The following FGGY variants were observed in gnomAD, a reference collection of about 807,000 sequenced individuals.
FGGY encodes the protein FGGY carbohydrate kinase domain-containing protein.
A neutral mutation model predicts 71.3 loss-of-function variants in FGGY; 72 were observed. The observed-to-expected ratio is 1.01, with a 90% CI of 0.84 to 1.23. FGGY has a LOEUF of 1.23. Among genes scored for constraint, FGGY ranks in the 50% most tolerant of loss-of-function variants. The probability of loss-of-function intolerance (pLI) is 0.00; values close to 1 mark genes in which losing one functional copy is unlikely to be tolerated. For missense variants in FGGY, 668 were observed against 682.3 expected (o/e 0.98, Z 0.23); for synonymous variants, 251 against 250.3 (o/e 1.00, Z -0.02).
chr1:59,696,669 A>T (rs2097662374), intron 14 of FGGY, among the ~76,000 whole-genome samples: 1 of 152,154 alleles, frequency 6.6e-6, no homozygotes, highest in African/African-American at 2.4e-5. Context: ...TGTGTCCTTC[A>T]TCTCTCTGTC....
At chr1:59,590,980 G>T (rs2096422224) in intron 8 of FGGY, among the ~76,000 whole-genome samples, 1 of 152,158 alleles carries the variant, frequency 6.6e-6, no homozygotes, top group Non-Finnish European at 1.5e-5. Flanking sequence ...ATTCAATTAG[G>T]AAAAGAGGAA....
At chr1:59,349,958 A>T (rs184497210) in intron 4 of FGGY, among the ~76,000 whole-genome samples, 2 of 152,274 alleles carry the variant, frequency 1.3e-5, no homozygotes, top group Admixed American at 1.3e-4. Context: ...GAACTTGTGA[A>T]ACCACTTTTA....
chr1:59,419,086 T>C (rs74718458), intron 5 of FGGY, among the ~76,000 whole-genome samples: 8,258 of 152,210 alleles, frequency 0.054, 252 homozygotes, highest in South Asian at 0.09. Context: ...GGAACCAGAT[T>C]ATAAAGGGTC....
At chr1:59,685,007 A>T (rs1318664108) in intron 14 of FGGY, among the ~76,000 whole-genome samples, 1 of 152,220 alleles carries the variant, frequency 6.6e-6, no homozygotes, top group Non-Finnish European at 1.5e-5. Context: ...CAAGAAATTG[A>T]GGCACCAAGC....
chr1:59,514,028 G>GT (rs1398323554), intron 7 of FGGY, among the ~76,000 whole-genome samples: 1 of 152,186 alleles, frequency 6.6e-6, no homozygotes, highest in Non-Finnish European at 1.5e-5. Context: ...TACAGGCAAG[G>GT]TTGTTTCTCT....
chr1:59,330,451 C>A (rs752146708), intron 2 of FGGY, among the ~76,000 whole-genome samples: 2 of 151,934 alleles, frequency 1.3e-5, no homozygotes, highest in African/African-American at 4.8e-5. Context: ...CGCCTGTAAT[C>A]CCAACTACTG....
chr1:59,463,789 G>C lies in FGGY; in HGVS notation c.670+6713G>C, dbSNP rs562300822. On this transcript the variant is annotated intron_variant, in intron 6 of 15. Coordinates refer to ENST00000303721, the MANE Select transcript of FGGY (RefSeq NM_018291.5). ...AAGAAGGCCATTACATAATGGTAAA[G>C]GGATCAATTCAACAAGAAGAGCTAA... 4.6e-5 allele frequency among the ~76,000 whole-genome samples: 7 copies of C among 152,172 alleles called. 1 individual carries two copies. In the South Asian group the frequency reaches 1.5e-3, roughly 32 times the overall value.
intron 6 of FGGY, among the ~76,000 whole-genome samples, chr1:59,468,716 C>A (rs2092777733): frequency 1.3e-5 from 2 of 151,666 alleles, no homozygotes; most frequent in Non-Finnish European, 2.9e-5. Context: ...ATTAAAAATA[C>A]AAAAAATCAG....
chr1:59,640,453 G>A (rs932126577), intron 11 of FGGY, among the ~76,000 whole-genome samples: 52 of 152,220 alleles, frequency 3.4e-4, no homozygotes, highest in Admixed American at 7.8e-4. Flanking sequence ...AGGCACTGCC[G>A]TAGATATGAG....
chr1:59,324,501 C>T (rs558475729), intron 2 of FGGY, among the ~76,000 whole-genome samples: 1 of 151,880 alleles, frequency 6.6e-6, no homozygotes, highest in East Asian at 1.9e-4. Flanking sequence ...TGGTCTCGAT[C>T]TCCTGACCTC....
chr1:59,545,594 C>G (rs550505600), intron 7 of FGGY, among the ~76,000 whole-genome samples: 1 of 152,158 alleles, frequency 6.6e-6, no homozygotes, highest in Non-Finnish European at 1.5e-5. Flanking sequence ...CTAGTTTTCT[C>G]TAAGTCTCAA....
intron 8 of FGGY, among the ~76,000 whole-genome samples, chr1:59,588,653 G>T (rs1187044516): frequency 6.6e-6 from 1 of 152,106 alleles, no homozygotes; most frequent in Non-Finnish European, 1.5e-5. Context: ...TTAAAGAAAA[G>T]AATTTTCAAT....
intron 5 of FGGY, among the ~76,000 whole-genome samples, chr1:59,443,488 T>G (rs2070456639): frequency 6.6e-6 from 1 of 152,178 alleles, no homozygotes. Flanking sequence ...TTGCTATTTT[T>G]CACTTATTTC....
At chr1:59,473,060 T>A (rs1246798892) in intron 6 of FGGY, among the ~76,000 whole-genome samples, 1 of 152,138 alleles carries the variant, frequency 6.6e-6, no homozygotes, top group East Asian at 1.9e-4. Context: ...AAAAGTAGGC[T>A]GCCCGAGCCA....
chr1:59,322,613 C>T (rs369773248), intron 2 of FGGY, among the ~76,000 whole-genome samples: 5 of 152,100 alleles, frequency 3.3e-5, no homozygotes, highest in African/African-American at 1.2e-4. Context: ...CATGGTGGCA[C>T]GAAAACATGG....
intron 6 of FGGY, among the ~76,000 whole-genome samples, chr1:59,463,249 T>C (rs184304136): frequency 1.3e-5 from 2 of 152,180 alleles, no homozygotes; most frequent in Non-Finnish European, 2.9e-5. Context: ...GAATTTCATA[T>C]CCAGCCAAAC....
At chr1:59,359,993 C>T (rs990135078) in intron 4 of FGGY, among the ~76,000 whole-genome samples, 3 of 151,990 alleles carry the variant, frequency 2.0e-5, no homozygotes, top group East Asian at 1.9e-4. Context: ...TTCTCAGTAA[C>T]GCCACATGTG....
intron 3 of FGGY, among the ~76,000 whole-genome samples, chr1:59,343,968 CCA>C (rs1317339414): frequency 6.6e-6 from 1 of 152,090 alleles, no homozygotes; most frequent in African/African-American, 2.4e-5. Flanking sequence ...ACTCACCCAC[CCA>C]CACATACACC....
At position 59,456,491 on chromosome 1, in the gene FGGY, C is replaced by G. The variant is rs1413911309; in HGVS notation, c.555-470C>G. On this transcript the variant is annotated intron_variant, in intron 5 of 15. Coordinates refer to ENST00000303721, the MANE Select transcript of FGGY (RefSeq NM_018291.5). ...TGAGACAGAGTCTCACCCTGTTGCC[C>G]AGGCTGGAGTGCAGTGGCACGATCT... is the stretch of plus-strand genomic sequence containing the variant. 2.0e-5 allele frequency among the ~76,000 whole-genome samples: 3 copies of G among 150,608 alleles called. No homozygotes were observed. In the South Asian group the frequency reaches 6.3e-4, roughly 32 times the overall value.
Sources: allele counts gnomAD v4.1 joint callset (sites outside exome capture counted in the v4.1 genomes callset), GRCh38; gene constraint gnomAD v4.1.1; transcripts MANE v1.5; gene names NCBI Gene and HGNC (gene_info 2026-07-23, HGNC 2026-07-21).